Variants in KIF21A observed in about 807,000 individuals in gnomAD.
KIF21A encodes kinesin-like protein KIF21A.
In KIF21A, 114 loss-of-function variants were observed where a neutral mutation model predicts 202.9. The observed-to-expected ratio is 0.56, with a 90% CI of 0.48 to 0.66. The LOEUF (loss-of-function observed/expected upper bound fraction) is 0.66. KIF21A is among the 30% of genes least tolerant of loss of function. The pLI, the probability that KIF21A is intolerant of heterozygous loss-of-function variation, is 0.00. For synonymous variants in KIF21A, 667 were observed against 670.8 expected, an observed-to-expected ratio of 0.99 and a Z score of 0.09; for missense variants, 1,677 against 1,994.9, an observed-to-expected ratio of 0.84 and a Z score of 3.04.
At position 39,315,890 on chromosome 12, in the gene KIF21A, C is replaced by A. The variant is rs117089573; in HGVS notation, c.3947+42G>T. 2,071 of 1,485,892 alleles carry A rather than the reference C, an allele frequency of 1.4e-3. 5 individuals carry two copies. Among genetic ancestry groups the A allele is most frequent in the Non-Finnish European group, 9.8e-4 (1,037 of 1,063,434 alleles). 92.0% of individuals were successfully genotyped at this position (1,485,892 alleles called of 1,614,324 possible). A position where few individuals can be genotyped will look rare whatever the true frequency, so the allele number is the denominator to read the frequency against. ...TTTCTAGGAAGGCACTTTAGAACAT[C>A]AATGAAATTCCAGAATGTAGGAAAG... On this transcript the variant is annotated intron_variant, in intron 30 of 37. Coordinates refer to ENST00000361418, the MANE Select transcript of KIF21A (RefSeq NM_001173464.2).
chr12:39,422,884 T>A (rs1954418213), intron 1 of KIF21A, among the ~76,000 whole-genome samples: 1 of 152,276 alleles, frequency 6.6e-6, no homozygotes, highest in South Asian at 2.1e-4. Context: ...CCATCAGCAG[T>A]ATAGTGTGGT....
chr12:39,402,862 C>T (rs1207005432), intron 1 of KIF21A, among the ~76,000 whole-genome samples: 4 of 152,030 alleles, frequency 2.6e-5, no homozygotes, highest in African/African-American at 7.2e-5. Context: ...ACTGGACACC[C>T]TTGCATTATA....
chr12:39,383,230 C>CGT lies in KIF21A; in HGVS notation c.45-12971_45-12970dup, dbSNP rs144122878. Among the ~76,000 whole-genome samples the CGT allele has an allele frequency of 5.8e-3, 876 of 152,240 alleles. 11 individuals carry two copies. Among genetic ancestry groups the CGT allele is most frequent in the African/African-American group, 0.02 (851 of 41,552 alleles). ...GAAATAGATAAATGTGATCCATTAG[C>CGT]GTGAATACTAATAGAGTTAGGAACT... On this transcript the variant is annotated intron_variant, in intron 1 of 37. Transcript: ENST00000361418.
Position 39,293,447 on chromosome 12 carries a change from C to T in KIF21A, c.*977G>A, listed in dbSNP as rs564903928. On this transcript the variant is annotated 3_prime_UTR_variant, in exon 38 of 38. Transcript: ENST00000361418. ...AACAACTTTTAAAAATTCATACAGG[C>T]ACAACACAAGATAGTCTCTCTATAC... 1 of 152,656 alleles carries T rather than the reference C, an allele frequency of 6.6e-6. No individual in the cohort carries two copies. The highest frequency in any genetic ancestry group is 2.4e-5 in the African/African-American group (1 of 41,538). The allele number at this position is 152,656 out of a possible 1,614,324, so 9.5% of individuals were successfully genotyped here. A position where few individuals can be genotyped will look rare whatever the true frequency, so the allele number is the denominator to read the frequency against.
intron 1 of KIF21A, among the ~76,000 whole-genome samples, chr12:39,379,841 G>A (rs145157325): frequency 2.2e-4 from 34 of 152,204 alleles, no homozygotes; most frequent in Admixed American, 1.2e-3. Flanking sequence ...ATCTCTTGTC[G>A]CCTCCCTTGA....
intron 1 of KIF21A, among the ~76,000 whole-genome samples, chr12:39,372,667 G>C (rs1247139594): frequency 6.6e-6 from 1 of 152,142 alleles, no homozygotes; most frequent in East Asian, 1.9e-4. Flanking sequence ...TTGTAGCTAT[G>C]CACACAGACT....
chr12:39,358,058 G>A, intron 8 of KIF21A, 120 bp downstream of exon 8: 1 of 855,244 alleles, frequency 1.2e-6, no homozygotes, highest in Non-Finnish European at 2.0e-6. Context: ...CAAAAGGAAG[G>A]AGGACACTAT....
Position 39,420,944 on chromosome 12 carries a change from C to CAA in KIF21A, c.44+21981_44+21982dup, listed in dbSNP as rs200239679. 5.1e-5 allele frequency among the ~76,000 whole-genome samples: 7 copies of CAA among 136,940 alleles called. No homozygotes were observed. The South Asian group carries it at 6.7e-4, about 13-fold the overall frequency. The allele number at this position is 136,940 out of a possible 152,430, so 89.8% of individuals were successfully genotyped here. A position where few individuals can be genotyped will look rare whatever the true frequency, so the allele number is the denominator to read the frequency against. On this transcript the variant is annotated intron_variant, in intron 1 of 37. Coordinates refer to ENST00000361418, the MANE Select transcript of KIF21A (RefSeq NM_001173464.2). Reference sequence around the variant, plus strand: ...ATCTAGGGAAATGCTCTTGATTTAACAAAAAAAAAAATAAAGTGAAGTGAA... The same window carrying CAA: ...ATCTAGGGAAATGCTCTTGATTTAACAAAAAAAAAAAAATAAAGTGAAGTGAA...
chr12:39,327,646 T>A (rs1946086475), intron 24 of KIF21A, among the ~76,000 whole-genome samples: 1 of 152,216 alleles, frequency 6.6e-6, no homozygotes, highest in African/African-American at 2.4e-5. Context: ...TATGCCTTAG[T>A]TAGAGATAAT....
chr12:39,317,338 T>C (rs1401501922), intron 29 of KIF21A, among the ~76,000 whole-genome samples: 1 of 152,106 alleles, frequency 6.6e-6, no homozygotes, highest in Non-Finnish European at 1.5e-5. Context: ...AGGGAGGCAA[T>C]AGCAGAAAAC....
chr12:39,416,765 A>ATATATATATGTACATATATATGTG lies in KIF21A; in HGVS notation c.44+26138_44+26161dup, dbSNP rs1566269992. Among the ~76,000 whole-genome samples the ATATATATATGTACATATATATGTG allele has an allele frequency of 3.8e-3, 291 of 75,594 alleles. 3 individuals carry two copies. Among genetic ancestry groups the ATATATATATGTACATATATATGTG allele is most frequent in the Middle Eastern group, 6.1e-3 (1 of 164 alleles). 49.6% of individuals were successfully genotyped at this position (75,594 alleles called of 152,430 possible). On this transcript the variant is annotated intron_variant, in intron 1 of 37. Coordinates refer to ENST00000361418, the MANE Select transcript of KIF21A (RefSeq NM_001173464.2). ...TATATATATGTACATATATATGTGT[A>ATATATATATGTACATATATATGTG]TATATATATGTACATATATATGTGT...
intron 34 of KIF21A, among the ~76,000 whole-genome samples, chr12:39,306,555 T>C (rs1943491318): frequency 6.6e-6 from 1 of 152,232 alleles, no homozygotes. Context: ...TGTTATAAAT[T>C]ATAACACTAG....
chr12:39,325,733 G>T, intron 26 of KIF21A, 106 bp downstream of exon 26: 1 of 784,120 alleles, frequency 1.3e-6, no homozygotes. Context: ...GTAAAACCAT[G>T]CCCTCTTGCT....
At chr12:39,415,347 C>T (rs981162623) in intron 1 of KIF21A, among the ~76,000 whole-genome samples, 3 of 146,338 alleles carry the variant, frequency 2.1e-5, no homozygotes, top group Admixed American at 7.1e-5. Context: ...TCACGCCATT[C>T]TCCTACCTCA....
chr12:39,364,618 T>C (rs1949477674), intron 6 of KIF21A, among the ~76,000 whole-genome samples: 1 of 152,070 alleles, frequency 6.6e-6, no homozygotes, highest in South Asian at 2.1e-4. Context: ...TGGGGGGTGA[T>C]TAATGGGAGG....
At chr12:39,432,383 G>A (rs1441995983) in intron 1 of KIF21A, among the ~76,000 whole-genome samples, 4 of 152,116 alleles carry the variant, frequency 2.6e-5, no homozygotes, top group Non-Finnish European at 5.9e-5. Context: ...ACACTCTTTG[G>A]TAAAGTCAGT....
intron 31 of KIF21A, chr12:39,312,843 T>C (rs927450926): frequency 4.6e-5 from 7 of 151,998 alleles, no homozygotes; most frequent in African/African-American, 1.7e-4. Context: ...ATAATGGTGT[T>C]GGGGAGGCTA....
intron 29 of KIF21A, among the ~76,000 whole-genome samples, 176 bp from the exon 30 acceptor site, chr12:39,316,146 T>C (rs1355436554): frequency 1.3e-5 from 2 of 152,100 alleles, no homozygotes; most frequent in Admixed American, 1.3e-4. Context: ...TATAGCTAAG[T>C]TACGTAAAAA....
chr12:39,441,704 T>C (rs374458807), intron 1 of KIF21A, among the ~76,000 whole-genome samples: 2 of 82,180 alleles, frequency 2.4e-5, no homozygotes, highest in Non-Finnish European at 5.3e-5. Flanking sequence ...ATTTTATTAT[T>C]TAAGTTAATT....
Sources: gnomAD v4.1 joint callset for allele counts (sites outside exome capture counted in the v4.1 genomes callset) on GRCh38, gnomAD v4.1.1 for gene constraint, MANE v1.5 for transcripts, NCBI Gene and HGNC (gene_info 2026-07-23, HGNC 2026-07-21) for gene names.